Variants in FRAS1 observed in about 807,000 individuals in gnomAD.
FRAS1 encodes Fraser extracellular matrix complex subunit 1.
A neutral mutation model predicts 435.2 loss-of-function variants in FRAS1; 290 were observed. The ratio of observed to expected loss-of-function variants is 0.67; its 90% CI spans 0.61 to 0.73. The LOEUF is 0.73. FRAS1 is among the 30% of genes least tolerant of loss of function. The probability of loss-of-function intolerance (pLI) is 0.00; values close to 1 mark genes in which losing one functional copy is unlikely to be tolerated. For synonymous variants in FRAS1, 1,800 were observed against 1,851.0 expected (o/e 0.97, Z 0.71); for missense variants, 4,860 against 5,001.5 (o/e 0.97, Z 0.85).
chr4:78,457,013 A>G (rs1310049067), intron 47 of FRAS1, among the ~76,000 whole-genome samples: 1 of 152,060 alleles, frequency 6.6e-6, no homozygotes, highest in Non-Finnish European at 1.5e-5. Context: ...TACTTCTGTA[A>G]TACTTCAAGG....
At chr4:78,364,888 G>C (rs1003345229) in intron 22 of FRAS1, among the ~76,000 whole-genome samples, 4 of 152,188 alleles carry the variant, frequency 2.6e-5, no homozygotes, top group Non-Finnish European at 5.9e-5. Context: ...GGTTAGGAGA[G>C]TGGGCTCTAG....
chr4:78,231,284 A>T (rs1279406536), intron 2 of FRAS1, among the ~76,000 whole-genome samples: 1 of 151,258 alleles, frequency 6.6e-6, no homozygotes, highest in Non-Finnish European at 1.5e-5. Flanking sequence ...ACTTCAAAAG[A>T]TCACATAAAT....
At chr4:78,537,613 C>A (rs1000421229) in intron 72 of FRAS1, among the ~76,000 whole-genome samples, 1 of 152,050 alleles carries the variant, frequency 6.6e-6, no homozygotes, top group African/African-American at 2.4e-5. Context: ...TGTAATGAAT[C>A]TTTAAAAAAT....
chr4:78,184,005 TG>T (rs1381595373), intron 2 of FRAS1, among the ~76,000 whole-genome samples: 1 of 152,180 alleles, frequency 6.6e-6, no homozygotes, highest in Non-Finnish European at 1.5e-5. Flanking sequence ...TAGTATCAAT[TG>T]GGAGCTTGTC....
Position 78,515,819 on chromosome 4 carries a change from G to A in FRAS1, c.10195G>A (p.Val3399Met), listed in dbSNP as rs1373463508. 3 of 1,613,840 alleles carry A rather than the reference G, an allele frequency of 1.9e-6. No homozygotes were observed. Among genetic ancestry groups the A allele is most frequent in the East Asian group, 4.5e-5 (2 of 44,868 alleles). Residue 3399 changes from valine (V) to methionine (M), a missense_variant, in exon 66 of 74, where the codon GTG becomes ATG. Physicochemically the swap from Val to Met is conservative, Grantham distance 21. Transcript: ENST00000512123. Reference sequence around the variant, plus strand: ...GGCAGAGGCAGGGTTCCTGGATGATGTGGTCTATGATAGCACTGCCCTGGG... The same window carrying A: ...GGCAGAGGCAGGGTTCCTGGATGATATGGTCTATGATAGCACTGCCCTGGG... ...GISEAGFLDD[V>M]VYDSTALGPG...
intron 47 of FRAS1, among the ~76,000 whole-genome samples, chr4:78,460,057 CA>C (rs1161935054): frequency 6.6e-6 from 1 of 152,092 alleles, no homozygotes; most frequent in African/African-American, 2.4e-5. Context: ...AGAGGCTTTT[CA>C]AAAATCCTGA....
chr4:78,340,714 A>G (rs1000126495), intron 20 of FRAS1, among the ~76,000 whole-genome samples: 9 of 152,162 alleles, frequency 5.9e-5, no homozygotes, highest in African/African-American at 2.2e-4. Context: ...GGAGGCTGGA[A>G]GTCCAAGATC....
intron 29 of FRAS1, among the ~76,000 whole-genome samples, chr4:78,388,491 G>T (rs1732316371): frequency 6.6e-6 from 1 of 151,902 alleles, no homozygotes; most frequent in Non-Finnish European, 1.5e-5. Flanking sequence ...TTGCCCTAGG[G>T]AGTAGGAGCC....
At chr4:78,190,470 T>C (rs1722485237) in intron 2 of FRAS1, among the ~76,000 whole-genome samples, 1 of 152,046 alleles carries the variant, frequency 6.6e-6, no homozygotes, top group Admixed American at 6.6e-5. Flanking sequence ...TTCCCATTGT[T>C]TGGTTATTTA....
At chr4:78,497,391 TAA>T (rs5859628) in intron 60 of FRAS1, among the ~76,000 whole-genome samples, 2 of 146,166 alleles carry the variant, frequency 1.4e-5, no homozygotes, top group East Asian at 2.0e-4. Context: ...CCTACTAACC[TAA>T]AAAAAAAAAA....
intron 14 of FRAS1, among the ~76,000 whole-genome samples, chr4:78,307,278 C>G (rs866799032): frequency 6.6e-6 from 1 of 152,260 alleles, no homozygotes; most frequent in Non-Finnish European, 1.5e-5. Flanking sequence ...AGCTGTCAGA[C>G]AGGGACATTT....
intron 2 of FRAS1, among the ~76,000 whole-genome samples, chr4:78,175,800 C>T (rs1203466670): frequency 6.6e-6 from 1 of 152,230 alleles, no homozygotes; most frequent in East Asian, 1.9e-4. Flanking sequence ...TCCCTCTGAT[C>T]TTCTGCCAGT....
chr4:78,381,554 T>C (rs1398648651), intron 27 of FRAS1, among the ~76,000 whole-genome samples: 1 of 152,222 alleles, frequency 6.6e-6, no homozygotes, highest in Non-Finnish European at 1.5e-5. Context: ...CCTCCCAAAG[T>C]GCTGCAATTA....
intron 2 of FRAS1, among the ~76,000 whole-genome samples, chr4:78,235,061 T>G (rs1724689940): frequency 2.0e-5 from 3 of 152,204 alleles, no homozygotes; most frequent in Non-Finnish European, 4.4e-5. Flanking sequence ...GCAGAAATGC[T>G]ATATTTTAGT....
At chr4:78,329,224 A>G (rs1271541544) in intron 18 of FRAS1, among the ~76,000 whole-genome samples, 2 of 152,188 alleles carry the variant, frequency 1.3e-5, no homozygotes, top group African/African-American at 4.8e-5. Flanking sequence ...CAATGCATTA[A>G]TTGTCATCTA....
intron 35 of FRAS1, among the ~76,000 whole-genome samples, chr4:78,428,319 A>G (rs988496416): frequency 8.0e-6 from 1 of 125,444 alleles, no homozygotes; most frequent in East Asian, 2.2e-4. Flanking sequence ...CTGTCCTTTT[A>G]AAAAGTATTC....
intron 5 of FRAS1, 38 bp downstream of exon 5, chr4:78,252,589 G>A: frequency 6.3e-7 from 1 of 1,586,150 alleles, no homozygotes; most frequent in South Asian, 1.1e-5. Flanking sequence ...CTCTTTGCTT[G>A]GGAGGTTCAC....
Position 78,459,457 on chromosome 4 carries a change from C to T in FRAS1, c.6764-4564C>T, listed in dbSNP as rs146853507. Among the ~76,000 whole-genome samples the T allele has an allele frequency of 2.4e-3, 362 of 152,326 alleles. 3 individuals carry two copies. The highest frequency in any genetic ancestry group is 8.4e-3 in the African/African-American group (348 of 41,578). On this transcript the variant is annotated intron_variant, in intron 47 of 73. Coordinates refer to ENST00000512123, the MANE Select transcript of FRAS1 (RefSeq NM_025074.7). The stretch of plus-strand genomic sequence containing the variant: ...GAGGACAGGGGGAGCCCAAAGCATG[C>T]ATGGCAGATTCCACCTAAGAGAGTG...
intron 19 of FRAS1, among the ~76,000 whole-genome samples, chr4:78,334,363 CTTTTTTTTTTTTTT>C (rs1007481617): frequency 3.3e-5 from 3 of 92,274 alleles, no homozygotes; most frequent in Admixed American, 2.3e-4. Flanking sequence ...AACCAATTTT[CTTTTTTTTTTTTTT>C]TTTTTTTTTT....
Sources: gnomAD v4.1 joint callset for allele counts (sites outside exome capture counted in the v4.1 genomes callset) on GRCh38, gnomAD v4.1.1 for gene constraint, MANE v1.5 for transcripts, NCBI Gene and HGNC (gene_info 2026-07-23, HGNC 2026-07-21) for gene names.